The following ABCC9 variants were observed in gnomAD, a reference collection of about 807,000 sequenced individuals.
ABCC9 encodes ATP-binding cassette sub-family C member 9.
ABCC9 carries 95 observed loss-of-function variants against 188.3 expected under a neutral mutation model. The observed-to-expected ratio is 0.50, with a 90% confidence interval of 0.43 to 0.60. ABCC9 has a LOEUF of 0.60. ABCC9 is among the 20% of genes least tolerant of loss of function. The pLI is 0.00. For synonymous variants in ABCC9, 659 were observed against 652.7 expected (o/e 1.01, Z -0.15); for missense variants, 1,102 against 1,876.3 (o/e 0.59, Z 7.62).
rs373204318 is a variant in ABCC9, at chr12:21,910,991, G to T, written c.1012-13C>A. 1.9e-6 allele frequency: 3 copies of T among 1,610,030 alleles called. No individual in the cohort carries two copies. The highest frequency in any genetic ancestry group is 2.5e-6 in the Non-Finnish European group (3 of 1,177,646). On this transcript the variant is annotated splice_polypyrimidine_tract_variant and intron_variant, in intron 8 of 39. Transcript: ENST00000261200. ...GGGTTTCTGAAATCTGGTCCCCAAA[G>T]AAAAAAAGTGTCATATTAAAACTCG...
intron 39 of ABCC9, among the ~76,000 whole-genome samples, chr12:21,804,753 G>A (rs533342603): frequency 8.3e-4 from 126 of 152,290 alleles, no homozygotes; most frequent in African/African-American, 2.9e-3. Context: ...GAAAGTGGAA[G>A]CATAGCAAGC....
At chr12:21,938,849 G>GA (rs927214549) in intron 2 of ABCC9, among the ~76,000 whole-genome samples, 4 of 151,816 alleles carry the variant, frequency 2.6e-5, no homozygotes, top group Admixed American at 6.6e-5. Flanking sequence ...TGTGTAACTG[G>GA]AAAAAAAATC....
At chr12:21,805,156 G>T in intron 39 of ABCC9, 1 of 1,613,890 alleles carries the variant, frequency 6.2e-7, no homozygotes. Flanking sequence ...CAGACTTGGT[G>T]CAATAGATCA....
intron 21 of ABCC9, 27 bp downstream of exon 21, chr12:21,860,944 T>C: frequency 6.4e-7 from 1 of 1,554,544 alleles, no homozygotes; most frequent in South Asian, 1.1e-5. Context: ...TTTTGTTCAT[T>C]GCTTAATGAA....
rs758075581 is a variant in ABCC9, at chr12:21,845,597, T to A, written c.3096+6A>T. 1 of 1,611,846 alleles carries A rather than the reference T, an allele frequency of 6.2e-7. No individual in the cohort carries two copies. Among genetic ancestry groups the A allele is most frequent in the African/African-American group, 1.3e-5 (1 of 74,986 alleles). On this transcript the variant is annotated splice_donor_region_variant and intron_variant, in intron 26 of 39. Coordinates refer to ENST00000261200, the MANE Select transcript of ABCC9 (RefSeq NM_020297.4). ...TGATTTAAAAACAAAACCGAACCAA[T>A]TGTACCTGATCAGCTTTTCCAGTAT...
chr12:21,836,236 A>G (rs1592028058), intron 30 of ABCC9, among the ~76,000 whole-genome samples: 1 of 152,134 alleles, frequency 6.6e-6, no homozygotes, highest in South Asian at 2.1e-4. Context: ...CTCTGATCAT[A>G]TCACTTTCCT....
intron 15 of ABCC9, among the ~76,000 whole-genome samples, chr12:21,885,937 A>T (rs1289828446): frequency 6.6e-6 from 1 of 152,180 alleles, no homozygotes; most frequent in Admixed American, 6.5e-5. Context: ...AGTTCCAATC[A>T]GTTCCAGTCA....
At chr12:21,894,204 A>G (rs1191543087) in intron 13 of ABCC9, 30 bp from the exon 14 acceptor site, 1 of 1,613,792 alleles carries the variant, frequency 6.2e-7, no homozygotes, top group East Asian at 2.2e-5. Flanking sequence ...CTTTAGAGAA[A>G]GCTGGAAAAA....
chr12:21,824,859 G>A (rs1943272604), intron 31 of ABCC9, among the ~76,000 whole-genome samples: 2 of 151,968 alleles, frequency 1.3e-5, no homozygotes, highest in African/African-American at 4.8e-5. Flanking sequence ...ATTTTTTATT[G>A]CATGTATTTG....
chr12:21,870,125 A>G (rs1178430653), intron 18 of ABCC9, among the ~76,000 whole-genome samples: 1 of 152,158 alleles, frequency 6.6e-6, no homozygotes, highest in Non-Finnish European at 1.5e-5. Flanking sequence ...ATCTAGTATT[A>G]TATTCTGAAT....
chr12:21,910,231 A>G lies in ABCC9; in HGVS notation c.1246T>C (p.Leu416=). The G allele has an allele frequency of 1.2e-6, 2 of 1,611,818 alleles. No individual in the cohort carries two copies. Among genetic ancestry groups the G allele is most frequent in the South Asian group, 2.2e-5 (2 of 91,040 alleles). The change falls in exon 10 of 40, where the codon TTA becomes CTA. Residue 416 remains leucine, a synonymous_variant. Transcript: ENST00000261200. The part of the protein sequence containing the change: ...GEMTLGQINN[L]VAIETNQLMW... ...AGTTGATTAGTTTCAATGGCGACTA[A>G]GTTGTTGATCTGCCCCAGAGTCATC... is the stretch of plus-strand genomic sequence containing the variant.
chr12:21,826,322 A>G (rs1943375577), intron 31 of ABCC9, among the ~76,000 whole-genome samples: 1 of 152,144 alleles, frequency 6.6e-6, no homozygotes, highest in Admixed American at 6.5e-5. Flanking sequence ...TGGGGTGTAG[A>G]GAACAGTTCA....
At chr12:21,878,105 T>C (rs1443732308) in intron 16 of ABCC9, among the ~76,000 whole-genome samples, 1 of 152,122 alleles carries the variant, frequency 6.6e-6, no homozygotes, top group African/African-American at 2.4e-5. Context: ...TAGAGTAAGA[T>C]AGAGGGGATG....
intron 39 of ABCC9, among the ~76,000 whole-genome samples, chr12:21,801,599 C>T (rs1052405144): frequency 3.9e-5 from 6 of 152,090 alleles, no homozygotes; most frequent in African/African-American, 1.2e-4. Flanking sequence ...TTCGAAGAAC[C>T]CTGGAAAGTG....
At chr12:21,828,857 G>T in intron 31 of ABCC9, 101 bp downstream of exon 31, 1 of 927,630 alleles carries the variant, frequency 1.1e-6, no homozygotes, top group Non-Finnish European at 1.8e-6. Flanking sequence ...TGAAGCTAGT[G>T]CCGAATCTCA....
chr12:21,823,552 C>A (rs1283096482), intron 31 of ABCC9, among the ~76,000 whole-genome samples: 2 of 152,200 alleles, frequency 1.3e-5, no homozygotes, highest in African/African-American at 4.8e-5. Context: ...CCCTAAAGAC[C>A]ATTTTCACTT....
At chr12:21,923,932 A>G in intron 5 of ABCC9, 1 of 660,364 alleles carries the variant, frequency 1.5e-6, no homozygotes, top group Non-Finnish European at 2.7e-6. Flanking sequence ...ATGCAACAAT[A>G]AGAAAATATT....
At position 21,907,968 on chromosome 12, in the gene ABCC9, T is replaced by C. The variant is rs1948121733; in HGVS notation, c.1455+109A>G. ...TTGCTGCTGAAGAACTGAAGTGAAA[T>C]AGAATTGTTTCCAAATTATCTTTAG... On this transcript the variant is annotated intron_variant, in intron 11 of 39. Transcript: ENST00000261200. 7 of 1,267,936 alleles carry C rather than the reference T, an allele frequency of 5.5e-6. No homozygotes were observed. The Admixed American group carries it at 1.3e-4, about 23-fold the overall frequency. The allele number at this position is 1,267,936 out of a possible 1,614,324, so 78.5% of individuals were successfully genotyped here.
chr12:21,923,005 C>T (rs1483849245), intron 5 of ABCC9: 1 of 149,114 alleles, frequency 6.7e-6, no homozygotes, highest in African/African-American at 2.5e-5. Flanking sequence ...TTTTTTTTTA[C>T]ATAAGTGCCA....
Sources: allele counts gnomAD v4.1 joint callset (sites outside exome capture counted in the v4.1 genomes callset), GRCh38; gene constraint gnomAD v4.1.1; transcripts MANE v1.5; gene names NCBI Gene and HGNC (gene_info 2026-07-23, HGNC 2026-07-21).